ALK: variants seen among roughly 807,000 people sequenced by gnomAD.
ALK encodes the protein ALK receptor tyrosine kinase, also known as ALK tyrosine kinase receptor.
ALK carries 74 observed loss-of-function variants against 163.1 expected under a neutral mutation model. The ratio of observed to expected loss-of-function variants is 0.45; its 90% CI spans 0.38 to 0.55. ALK has a LOEUF of 0.55. ALK is among the 20% of genes least tolerant of loss of function. The probability of loss-of-function intolerance (pLI) is 0.00; values close to 1 mark genes in which losing one functional copy is unlikely to be tolerated. For synonymous variants in ALK, 960 were observed against 843.2 expected, an observed-to-expected ratio of 1.14 and a Z score of -2.40; for missense variants, 2,063 against 2,105.3, an observed-to-expected ratio of 0.98 and a Z score of 0.39.
At chr2:29,262,125 A>G (rs955480057) in intron 11 of ALK, among the ~76,000 whole-genome samples, 1 of 152,230 alleles carries the variant, frequency 6.6e-6, no homozygotes, top group African/African-American at 2.4e-5. Context: ...TAGATAGGGA[A>G]GGGAGAAGAA....
chr2:29,718,614 G>A (rs1333475797), intron 1 of ALK, among the ~76,000 whole-genome samples: 1 of 152,196 alleles, frequency 6.6e-6, no homozygotes, highest in African/African-American at 2.4e-5. Context: ...CGGAACAGAC[G>A]CCATGCTGGA....
At position 29,859,561 on chromosome 2, in the gene ALK, A is replaced by T. The variant is rs149155768; in HGVS notation, c.667+60432T>A. On this transcript the variant is annotated intron_variant, in intron 1 of 28. Transcript: ENST00000389048. ...AGTATAGTGAGTGGGCCACGGCAAA[A>T]CCGCAGGTGGAAGAAGAAAACCTGA... 3.2e-3 allele frequency among the ~76,000 whole-genome samples: 482 copies of T among 152,292 alleles called. 1 individual carries two copies. Among genetic ancestry groups the T allele is most frequent in the African/African-American group, 0.011 (447 of 41,562 alleles).
intron 12 of ALK, among the ~76,000 whole-genome samples, chr2:29,244,696 C>G (rs1182407417): frequency 6.6e-6 from 1 of 152,208 alleles, no homozygotes; most frequent in Non-Finnish European, 1.5e-5. Flanking sequence ...AGGTTGAACT[C>G]AAACTTAATT....
intron 3 of ALK, among the ~76,000 whole-genome samples, chr2:29,659,945 C>G (rs1300289919): frequency 3.3e-5 from 5 of 152,128 alleles, no homozygotes; most frequent in South Asian, 2.1e-4. Flanking sequence ...TTACCTTACC[C>G]TAATATGCCC....
At position 29,920,267 on chromosome 2, in the gene ALK, G is replaced by T. The variant is rs765026986; in HGVS notation, c.393C>A (p.Ser131=). The change falls in exon 1 of 29, where the codon TCC becomes TCA. Residue 131 remains serine, a synonymous_variant. Transcript: ENST00000389048. ...GCTTGGCACGCCGGAGCTTGCGCAC[G>T]GAGCCGCCCTTCAGCACCCTGGACA... ...RTLSRVLKGG[S]VRKLRRAKQL... 1 of 1,597,640 alleles carries T rather than the reference G, an allele frequency of 6.3e-7. No homozygotes were observed. The highest frequency in any genetic ancestry group is 1.3e-5 in the African/African-American group (1 of 74,664).
At chr2:29,868,504 TCA>T (rs1490143814) in intron 1 of ALK, among the ~76,000 whole-genome samples, 1 of 152,156 alleles carries the variant, frequency 6.6e-6, no homozygotes, top group African/African-American at 2.4e-5. Context: ...ATAAAGAGTT[TCA>T]GAGTGTGTGT....
chr2:29,594,907 G>GGGGGGGGGGA (rs1675166101), intron 3 of ALK, among the ~76,000 whole-genome samples: 1 of 84,360 alleles, frequency 1.2e-5, no homozygotes, highest in Non-Finnish European at 2.2e-5. Context: ...GGGGTGGGGG[G>GGGGGGGGGGA]CGGGGGGCAA....
intron 21 of ALK, 25 bp downstream of exon 21, chr2:29,222,492 G>C (rs779327690): frequency 6.2e-7 from 1 of 1,614,046 alleles, no homozygotes; most frequent in Non-Finnish European, 8.5e-7. Flanking sequence ...GCCAAGGGCA[G>C]GCTCAAGAGT....
At chr2:29,666,554 A>G (rs1221331842) in intron 3 of ALK, among the ~76,000 whole-genome samples, 10 of 152,032 alleles carry the variant, frequency 6.6e-5, no homozygotes, top group Non-Finnish European at 1.3e-4. Flanking sequence ...AACTGAATCA[A>G]TTATTCATGT....
chr2:29,456,614 A>T (rs1487569226), intron 4 of ALK, among the ~76,000 whole-genome samples: 3 of 152,154 alleles, frequency 2.0e-5, no homozygotes, highest in Non-Finnish European at 4.4e-5. Context: ...CAAGATGAAA[A>T]ACATTCTGGA....
intron 3 of ALK, among the ~76,000 whole-genome samples, chr2:29,577,374 A>G (rs946678958): frequency 1.3e-5 from 2 of 152,312 alleles, no homozygotes; most frequent in Non-Finnish European, 2.9e-5. Flanking sequence ...TGCTCTGCTC[A>G]GTCACTTCCT....
At chr2:29,852,706 C>T (rs1666028395) in intron 1 of ALK, among the ~76,000 whole-genome samples, 1 of 152,170 alleles carries the variant, frequency 6.6e-6, no homozygotes. Flanking sequence ...AATTTATATG[C>T]TGAAGCCTAA....
intron 26 of ALK, among the ~76,000 whole-genome samples, chr2:29,206,776 GGTGT>G (rs3028218): frequency 0.27 from 40,407 of 150,248 alleles, 6,650 homozygotes; most frequent in East Asian, 0.73. Flanking sequence ...TCCCTTTATT[GGTGT>G]GTGTGTGTGT....
At chr2:29,345,062 T>C (rs191694866) in intron 5 of ALK, among the ~76,000 whole-genome samples, 12 of 152,306 alleles carry the variant, frequency 7.9e-5, no homozygotes, top group Admixed American at 2.0e-4. Flanking sequence ...GAAATAGCTT[T>C]TGCACAAAAT....
chr2:29,334,419 G>A (rs752640295), intron 5 of ALK, among the ~76,000 whole-genome samples: 1 of 152,178 alleles, frequency 6.6e-6, no homozygotes, highest in South Asian at 2.1e-4. Flanking sequence ...CCAAAGCTCC[G>A]AGTGGTTAGT....
chr2:29,202,584 G>A (rs1669210208), intron 26 of ALK, among the ~76,000 whole-genome samples: 1 of 152,226 alleles, frequency 6.6e-6, no homozygotes, highest in Non-Finnish European at 1.5e-5. Flanking sequence ...GCGTGAAAGC[G>A]CAAACGATAC....
At chr2:29,916,681 C>T (rs1667843335) in intron 1 of ALK, among the ~76,000 whole-genome samples, 1 of 152,198 alleles carries the variant, frequency 6.6e-6, no homozygotes, top group South Asian at 2.1e-4. Flanking sequence ...GTCATGTATC[C>T]ACTTTCCTGG....
At chr2:29,485,687 C>T (rs1314721349) in intron 4 of ALK, among the ~76,000 whole-genome samples, 2 of 152,116 alleles carry the variant, frequency 1.3e-5, no homozygotes, top group Non-Finnish European at 2.9e-5. Flanking sequence ...GTTTACAGGT[C>T]CTCCCCTTCC....
intron 3 of ALK, among the ~76,000 whole-genome samples, chr2:29,598,793 T>C (rs1435586925): frequency 6.6e-6 from 1 of 152,226 alleles, no homozygotes; most frequent in Non-Finnish European, 1.5e-5. Context: ...TTTCATACAT[T>C]AGTATATTTG....
Sources: gnomAD v4.1 joint callset for allele counts (sites outside exome capture counted in the v4.1 genomes callset) on GRCh38, gnomAD v4.1.1 for gene constraint, MANE v1.5 for transcripts, NCBI Gene and HGNC (gene_info 2026-07-23, HGNC 2026-07-21) for gene names.